DAB1: variants seen among roughly 807,000 people sequenced by gnomAD.
DAB1 encodes the protein disabled homolog 1.
In DAB1, 15 loss-of-function variants were observed where a neutral mutation model predicts 64.6. The ratio of observed to expected loss-of-function variants is 0.23; its 90% CI spans 0.16 to 0.36. The LOEUF (loss-of-function observed/expected upper bound fraction) is 0.36, where lower values mean the gene tolerates loss of function less well. DAB1 is among the 10% of genes least tolerant of loss of function. The probability of loss-of-function intolerance (pLI) is 1.00; values close to 1 mark genes in which losing one functional copy is unlikely to be tolerated. For synonymous variants in DAB1, 235 were observed against 251.9 expected (o/e 0.93, Z 0.64); for missense variants, 596 against 706.7 (o/e 0.84, Z 1.78).
intron 1 of DAB1, among the ~76,000 whole-genome samples, chr1:57,379,688 C>T (rs1681198732): frequency 6.6e-6 from 1 of 152,172 alleles, no homozygotes; most frequent in African/African-American, 2.4e-5. Context: ...GCTGTAACAA[C>T]TTTCTCCCAA....
chr1:57,656,190 C>T (rs982828417), intron 6 of DAB1, among the ~76,000 whole-genome samples: 1 of 152,134 alleles, frequency 6.6e-6, no homozygotes, highest in Non-Finnish European at 1.5e-5. Flanking sequence ...ATGGTGCCAC[C>T]CTGGTCTCAG....
chr1:58,068,413 G>A (rs1424640455), intron 5 of DAB1, among the ~76,000 whole-genome samples: 1 of 152,194 alleles, frequency 6.6e-6, no homozygotes, highest in Non-Finnish European at 1.5e-5. Flanking sequence ...AGCTCAAAAA[G>A]ATGTCTGTTT....
intron 4 of DAB1, among the ~76,000 whole-genome samples, chr1:58,181,483 T>C (rs1015789313): frequency 5.3e-5 from 8 of 152,134 alleles, no homozygotes; most frequent in Non-Finnish European, 7.4e-5. Flanking sequence ...ATTTTGATAC[T>C]TTTTTGTATG....
intron 7 of DAB1, among the ~76,000 whole-genome samples, chr1:57,431,143 C>CACAAAAAAAAAAAAAAAAAA (rs749097562): frequency 1.0e-5 from 1 of 96,410 alleles, no homozygotes; most frequent in Non-Finnish European, 2.2e-5. Flanking sequence ...AGGCCAAAAA[C>CACAAAAAAAAAAAAAAAAAA]AAAAAAAAAA....
rs368005144 is a variant in DAB1, at chr1:57,263,415, T to C, written c.67+27549A>G. Among the ~76,000 whole-genome samples the C allele has an allele frequency of 6.1e-4, 93 of 152,186 alleles. 1 individual carries two copies. The South Asian group carries it at 0.017, about 27-fold the overall frequency. ...GATTACAGGCATGAGCCACTGCGCC[T>C]GGCTGAAGATACAACTTTTTTACTG... On this transcript the variant is annotated intron_variant, in intron 2 of 14. Coordinates refer to ENST00000371236, the MANE Select transcript of DAB1 (RefSeq NM_001365792.1).
intron 5 of DAB1, among the ~76,000 whole-genome samples, chr1:58,130,507 T>C (rs1653471082): frequency 6.6e-6 from 1 of 152,110 alleles, no homozygotes; most frequent in South Asian, 2.1e-4. Context: ...ATTATGATGT[T>C]AGCTGGTGAT....
intron 3 of DAB1, among the ~76,000 whole-genome samples, chr1:58,408,392 G>GT (rs1172380481): frequency 6.6e-6 from 1 of 152,130 alleles, no homozygotes; most frequent in African/African-American, 2.4e-5. Flanking sequence ...ACATTCCTTT[G>GT]TAACAAGTGT....
chr1:57,305,968 CAAAAA>C (rs1048177276), intron 1 of DAB1, among the ~76,000 whole-genome samples: 1 of 62,288 alleles, frequency 1.6e-5, no homozygotes. Context: ...GACTCCGTCT[CAAAAA>C]AAAAAAAAAA....
intron 5 of DAB1, among the ~76,000 whole-genome samples, chr1:57,979,357 T>C (rs1039669239): frequency 4.6e-5 from 7 of 151,930 alleles, no homozygotes; most frequent in African/African-American, 1.7e-4. Flanking sequence ...AAGTGAGAGT[T>C]GAACAACGAG....
At chr1:57,949,808 T>C (rs1341113116) in intron 5 of DAB1, among the ~76,000 whole-genome samples, 1 of 152,202 alleles carries the variant, frequency 6.6e-6, no homozygotes, top group Non-Finnish European at 1.5e-5. Context: ...AAAGTTCCAG[T>C]ATCCTCCAAG....
intron 2 of DAB1, among the ~76,000 whole-genome samples, chr1:57,164,912 C>T (rs1165803058): frequency 6.6e-6 from 1 of 152,156 alleles, no homozygotes; most frequent in Admixed American, 6.5e-5. Context: ...TTCACTAATA[C>T]CAGACATGAG....
rs367921486 is a variant in DAB1, at chr1:57,301,094, C to CA, written c.-136-9929dup. Among the ~76,000 whole-genome samples, 264 of 141,656 alleles carry CA rather than the reference C, an allele frequency of 1.9e-3. 3 individuals are homozygous for CA. The highest frequency in any genetic ancestry group is 4.0e-3 in the African/African-American group (153 of 38,732). The allele number at this position is 141,656 out of a possible 152,430, so 92.9% of individuals were successfully genotyped here. A position where few individuals can be genotyped will look rare whatever the true frequency, so the allele number is the denominator to read the frequency against. On this transcript the variant is annotated intron_variant, in intron 1 of 14. Transcript: ENST00000371236. The stretch of plus-strand genomic sequence containing the variant: ...AAGAGGTCCTAGATAAATGAATCTT[C>CA]AAAAAAAAAAAGGTAAAAAGCAAAC...
chr1:57,184,798 C>T (rs1161670247), intron 2 of DAB1, among the ~76,000 whole-genome samples: 1 of 152,060 alleles, frequency 6.6e-6, no homozygotes, highest in Admixed American at 6.6e-5. Context: ...CATAAAAGTC[C>T]CATAGACGCT....
intron 6 of DAB1, among the ~76,000 whole-genome samples, chr1:57,707,063 A>G (rs1016244380): frequency 6.6e-6 from 1 of 152,070 alleles, no homozygotes; most frequent in Non-Finnish European, 1.5e-5. Flanking sequence ...AACAAGAGTG[A>G]AACTCCATCT....
chr1:57,421,966 T>C (rs2101091454), intron 1 of DAB1, among the ~76,000 whole-genome samples: 1 of 146,970 alleles, frequency 6.8e-6, no homozygotes, highest in African/African-American at 2.5e-5. Context: ...CCATCTATCT[T>C]AGTGCCTGCG....
intron 5 of DAB1, among the ~76,000 whole-genome samples, chr1:58,067,266 C>G (rs958324518): frequency 1.3e-5 from 2 of 152,188 alleles, no homozygotes; most frequent in African/African-American, 4.8e-5. Flanking sequence ...GAGAGGGACT[C>G]CCACGGCCTA....
rs1278709994 is a variant in DAB1, at chr1:57,540,183, T to C, written n.625+109409A>G. ...TTTTTGCCATTTTATGAACAACAGG[T>C]ATATGAAAAAATGTTCAACATAACT... On this transcript the variant is annotated intron_variant and non_coding_transcript_variant, in intron 7 of 20. Transcript: ENST00000485760. 2.6e-5 allele frequency among the ~76,000 whole-genome samples: 4 copies of C among 152,252 alleles called. No homozygotes were observed. The Middle Eastern group carries it at 0.01, about 388-fold the overall frequency.
At chr1:57,248,575 T>C (rs1669076906) in intron 2 of DAB1, among the ~76,000 whole-genome samples, 1 of 152,242 alleles carries the variant, frequency 6.6e-6, no homozygotes, top group South Asian at 2.1e-4. Flanking sequence ...TGAATTTGAA[T>C]TCATGGACTT....
rs551396800 is a variant in DAB1, at chr1:57,460,277, A to G, written n.626-169111T>C. Reference sequence around the variant, plus strand: ...CCCTTGTTTGGGAGCTTTCATGTGCATGGAAATATAATATGGTAAAACCTA... The same window carrying G: ...CCCTTGTTTGGGAGCTTTCATGTGCGTGGAAATATAATATGGTAAAACCTA... On this transcript the variant is annotated intron_variant and non_coding_transcript_variant, in intron 7 of 20. Coordinates refer to the DAB1 transcript ENST00000485760. Among the ~76,000 whole-genome samples, 5 of 152,304 alleles carry G rather than the reference A, an allele frequency of 3.3e-5. No individual in the cohort carries two copies. In the South Asian group the frequency reaches 8.3e-4, roughly 25 times the overall value.
Sources: gnomAD v4.1 joint callset for allele counts (sites outside exome capture counted in the v4.1 genomes callset) on GRCh38, gnomAD v4.1.1 for gene constraint, MANE v1.5 for transcripts, NCBI Gene and HGNC (gene_info 2026-07-23, HGNC 2026-07-21) for gene names.